The following UBASH3B variants were observed in gnomAD, a reference collection of about 807,000 sequenced individuals.
The protein encoded by UBASH3B is ubiquitin-associated and SH3 domain-containing protein B.
In UBASH3B, 37 loss-of-function variants were observed where a neutral mutation model predicts 83.4. That is an observed-to-expected ratio of 0.44 (90% confidence interval 0.34 to 0.58). The LOEUF is 0.58. Among genes scored for constraint, UBASH3B ranks in the 20% least tolerant of loss-of-function variants. The probability of loss-of-function intolerance (pLI) is 0.01; values close to 1 mark genes in which losing one functional copy is unlikely to be tolerated. For synonymous variants in UBASH3B, 304 were observed against 318.3 expected (o/e 0.96, Z 0.48); for missense variants, 657 against 827.2 (o/e 0.79, Z 2.52).
chr11:122,802,306 T>G (rs1861270562), intron 11 of UBASH3B, among the ~76,000 whole-genome samples: 1 of 119,506 alleles, frequency 8.4e-6, no homozygotes, highest in African/African-American at 3.5e-5. Flanking sequence ...AGAGTGAGAC[T>G]CTGTCTGAAA....
In UBASH3B at chr11:122,684,831, C is replaced by CCCAA. The variant is rs1863788663; in HGVS notation, c.161+28621_161+28622insCCAA. 2.0e-5 allele frequency among the ~76,000 whole-genome samples: 3 copies of CCCAA among 152,160 alleles called. No individual in the cohort carries two copies. The South Asian group carries it at 6.2e-4, about 31-fold the overall frequency. ...CAGGCTGGTCTCGAACTCCTGACCT[C>CCCAA]AGGTGATCCACCCGCCTTGGCCTCC... On this transcript the variant is annotated intron_variant, in intron 1 of 13. Coordinates refer to ENST00000284273, the MANE Select transcript of UBASH3B (RefSeq NM_032873.5).
At chr11:122,713,173 C>A (rs1049120190) in intron 1 of UBASH3B, among the ~76,000 whole-genome samples, 18 of 152,104 alleles carry the variant, frequency 1.2e-4, no homozygotes, top group African/African-American at 4.3e-4. Context: ...TCCCAAAGTA[C>A]TGGGATTACA....
At chr11:122,763,166 G>T (rs1860474230) in intron 1 of UBASH3B, among the ~76,000 whole-genome samples, 1 of 152,110 alleles carries the variant, frequency 6.6e-6, no homozygotes, top group African/African-American at 2.4e-5. Context: ...GGAGCAGAAA[G>T]GCATTGTCTA....
At position 122,775,755 on chromosome 11, in the gene UBASH3B, C is replaced by T. The variant is rs145620835; in HGVS notation, c.162-464C>T. ...CATCACTGCACTCCAGCCTGGGTGA[C>T]AGAGTAAGACTCTCTCAAAAAAATA... On this transcript the variant is annotated intron_variant, in intron 1 of 13. Coordinates refer to ENST00000284273, the MANE Select transcript of UBASH3B (RefSeq NM_032873.5). The T allele has an allele frequency of 1.3e-3, 208 of 155,046 alleles. 4 individuals carry two copies. The East Asian group carries it at 0.025, about 19-fold the overall frequency. The allele number at this position is 155,046 out of a possible 1,614,324, so 9.6% of individuals were successfully genotyped here. A position where few individuals can be genotyped will look rare whatever the true frequency, so the allele number is the denominator to read the frequency against.
intron 4 of UBASH3B, chr11:122,782,355 A>G (rs1222723824): frequency 6.6e-6 from 1 of 152,088 alleles, no homozygotes; most frequent in East Asian, 1.9e-4. Flanking sequence ...ACTTTAAACC[A>G]GTATGTCTCA....
intron 1 of UBASH3B, among the ~76,000 whole-genome samples, chr11:122,712,911 T>A (rs1166399511): frequency 1.9e-4 from 24 of 128,780 alleles, no homozygotes; most frequent in African/African-American, 6.9e-4. Flanking sequence ...TTTTTTTTTT[T>A]TTTTTTTTTT....
At chr11:122,777,428 A>G (rs565191051) in intron 3 of UBASH3B, among the ~76,000 whole-genome samples, 149 of 152,234 alleles carry the variant, frequency 9.8e-4, no homozygotes, top group Non-Finnish European at 2.0e-3. Context: ...GCACCCCAGG[A>G]TGGGGGCAGC....
intron 1 of UBASH3B, among the ~76,000 whole-genome samples, chr11:122,765,529 A>G (rs568058611): frequency 1.3e-5 from 2 of 152,170 alleles, no homozygotes; most frequent in Non-Finnish European, 2.9e-5. Flanking sequence ...CTGCTTGCTC[A>G]CACCCCTCCA....
At chr11:122,748,428 C>A (rs988130135) in intron 1 of UBASH3B, among the ~76,000 whole-genome samples, 1 of 152,174 alleles carries the variant, frequency 6.6e-6, no homozygotes, top group Non-Finnish European at 1.5e-5. Context: ...TAGACGGGCA[C>A]GCGCCATCCC....
Position 122,796,200 on chromosome 11 carries a change from T to C in UBASH3B, c.1158T>C (p.Leu386=). The C allele has an allele frequency of 6.2e-7, 1 of 1,614,086 alleles. No individual in the cohort carries two copies. The highest frequency in any genetic ancestry group is 8.5e-7 in the Non-Finnish European group (1 of 1,179,988). ...NSQPGPQKRC[L]FVCRHGERMD... ...AGCCCGGCCCCCAGAAGCGATGCCTTTTTGTGTGTCGGCATGGTGAGAGGA... is the reference window on the plus strand; with the variant it reads ...AGCCCGGCCCCCAGAAGCGATGCCTCTTTGTGTGTCGGCATGGTGAGAGGA... The change falls in exon 8 of 14, where the codon CTT becomes CTC. Residue 386 remains leucine (L), a synonymous_variant. Transcript: ENST00000284273.
chr11:122,669,664 C>CA (rs1863565378), intron 1 of UBASH3B, among the ~76,000 whole-genome samples: 1 of 152,214 alleles, frequency 6.6e-6, no homozygotes. Flanking sequence ...ACCAGGTAGT[C>CA]ATAGCTAACC....
chr11:122,701,509 G>A (rs1157186283), intron 1 of UBASH3B, among the ~76,000 whole-genome samples: 3 of 152,236 alleles, frequency 2.0e-5, no homozygotes, highest in Middle Eastern at 3.4e-3. Context: ...TCCAACGTCT[G>A]TGTACTTTTC....
intron 13 of UBASH3B, among the ~76,000 whole-genome samples, chr11:122,809,275 A>G (rs1369191601): frequency 6.6e-6 from 1 of 152,122 alleles, no homozygotes; most frequent in African/African-American, 2.4e-5. Context: ...GAGGTTTGCC[A>G]TGTTGGCCAG....
Position 122,810,106 on chromosome 11 carries a change from CAAG to C in UBASH3B, c.*221_*223del, listed in dbSNP as rs1861415348. 1 of 509,282 alleles carries C rather than the reference CAAG, an allele frequency of 2.0e-6. No individual in the cohort carries two copies. The highest frequency in any genetic ancestry group is 3.4e-6 in the Non-Finnish European group (1 of 295,930). 31.5% of individuals were successfully genotyped at this position (509,282 alleles called of 1,614,324 possible). A position where few individuals can be genotyped will look rare whatever the true frequency, so the allele number is the denominator to read the frequency against. ...TCTCTCTGGACTCTTGCCTAGCTCA[CAAG>C]GCTTTGGAGAATTGTCTTCCTAAAT... On this transcript the variant is annotated 3_prime_UTR_variant, in exon 14 of 14. Transcript: ENST00000284273.
chr11:122,690,931 C>G (rs141558631), intron 1 of UBASH3B, among the ~76,000 whole-genome samples: 4 of 152,200 alleles, frequency 2.6e-5, no homozygotes, highest in African/African-American at 9.7e-5. Flanking sequence ...GCCCGATCTT[C>G]TCACTTCTGC....
chr11:122,705,508 G>T (rs1323904096), intron 1 of UBASH3B, among the ~76,000 whole-genome samples: 1 of 150,134 alleles, frequency 6.7e-6, no homozygotes, highest in African/African-American at 2.4e-5. Flanking sequence ...CTCCATTACT[G>T]ACAGTCAATC....
At chr11:122,808,935 A>G (rs1252969767) in intron 13 of UBASH3B, among the ~76,000 whole-genome samples, 1 of 151,696 alleles carries the variant, frequency 6.6e-6, no homozygotes, top group Non-Finnish European at 1.5e-5. Flanking sequence ...AGTGAGGGAG[A>G]GCACAGCTTC....
Position 122,811,786 on chromosome 11 carries a change from G to T in UBASH3B, c.*1900G>T, listed in dbSNP as rs1334311227. ...GATGTGTTAATATAAAATGTTGGGA[G>T]GGAATATTCCCAATAAAGGTCTTAA... is the stretch of plus-strand genomic sequence containing the variant. On this transcript the variant is annotated 3_prime_UTR_variant, in exon 14 of 14. Transcript: ENST00000284273. The T allele has an allele frequency of 6.6e-6, 1 of 152,178 alleles. No homozygotes were observed. The highest frequency in any genetic ancestry group is 2.4e-5 in the African/African-American group (1 of 41,432). 9.4% of individuals were successfully genotyped at this position (152,178 alleles called of 1,614,324 possible). A position where few individuals can be genotyped will look rare whatever the true frequency, so the allele number is the denominator to read the frequency against.
rs769337243 is a variant in UBASH3B at position 122,779,488 on chromosome 11, C to T, written c.403-9C>T. 1.2e-6 allele frequency: 2 copies of T among 1,613,526 alleles called. No homozygotes were observed. Among genetic ancestry groups the T allele is most frequent in the South Asian group, 1.1e-5 (1 of 91,058 alleles). On this transcript the variant is annotated splice_polypyrimidine_tract_variant and intron_variant, in intron 3 of 13. Transcript: ENST00000284273. ...TCTCTGAGTGAAGACTGCCTGTTTT[C>T]CCTGCCAGTGCGAGGACAGCAAGGT...
Sources: allele counts gnomAD v4.1 joint callset (sites outside exome capture counted in the v4.1 genomes callset), GRCh38; gene constraint gnomAD v4.1.1; transcripts MANE v1.5; gene names NCBI Gene and HGNC (gene_info 2026-07-23, HGNC 2026-07-21).